RPS6KA2: variants seen among roughly 807,000 people sequenced by gnomAD.
RPS6KA2 encodes ribosomal protein S6 kinase A2.
RPS6KA2 carries 42 observed loss-of-function variants against 91.8 expected under a neutral mutation model. That is an observed-to-expected ratio of 0.46 (90% CI 0.36 to 0.59). The LOEUF (loss-of-function observed/expected upper bound fraction) is 0.59. RPS6KA2 is among the 20% of genes least tolerant of loss of function. The pLI is 0.00. For missense variants in RPS6KA2, 798 were observed against 978.5 expected, an observed-to-expected ratio of 0.82 and a Z score of 2.46; for synonymous variants, 414 against 393.6, an observed-to-expected ratio of 1.05 and a Z score of -0.61.
chr6:166,600,202 G>A (rs1785684589), intron 1 of RPS6KA2, among the ~76,000 whole-genome samples: 1 of 152,138 alleles, frequency 6.6e-6, no homozygotes, highest in African/African-American at 2.4e-5. Context: ...GTACAGACAA[G>A]GTCTCACTAT....
At chr6:166,452,765 A>G (rs1779957978) in intron 12 of RPS6KA2, among the ~76,000 whole-genome samples, 1 of 152,200 alleles carries the variant, frequency 6.6e-6, no homozygotes, top group Non-Finnish European at 1.5e-5. Flanking sequence ...AAAGAATGAA[A>G]CTGGACCCCT....
At position 166,445,201 on chromosome 6, in the gene RPS6KA2, A is replaced by C. The variant is rs1307485710; in HGVS notation, c.1332+3523T>G. ...CCACTCTCCTCTTAGAAGGACCTGCACTTTAAGTCACGGCCCAGTCACAGT... is the reference window on the plus strand; with the variant it reads ...CCACTCTCCTCTTAGAAGGACCTGCCCTTTAAGTCACGGCCCAGTCACAGT... On this transcript the variant is annotated intron_variant, in intron 14 of 20. Coordinates refer to ENST00000265678, the MANE Select transcript of RPS6KA2 (RefSeq NM_021135.6). The surrounding 1 kb of genome is among the most constrained non-coding windows in gnomAD (Gnocchi z 4.5). 6.6e-6 allele frequency among the ~76,000 whole-genome samples: 1 copy of C among 150,904 alleles called. No individual in the cohort carries two copies. Among genetic ancestry groups the C allele is most frequent in the Non-Finnish European group, 1.5e-5 (1 of 67,776 alleles).
chr6:166,607,745 G>A (rs1027608798), intron 1 of RPS6KA2, among the ~76,000 whole-genome samples: 2 of 152,194 alleles, frequency 1.3e-5, no homozygotes, highest in Non-Finnish European at 2.9e-5. Context: ...GAATTGTATG[G>A]TATGTGAATT....
intron 2 of RPS6KA2, among the ~76,000 whole-genome samples, chr6:166,734,091 T>C (rs1319448714): frequency 6.6e-6 from 1 of 152,082 alleles, no homozygotes; most frequent in East Asian, 1.9e-4. Context: ...GGATATGAGA[T>C]CACCTGTTTA....
chr6:166,577,490 G>A (rs939191195), intron 1 of RPS6KA2, among the ~76,000 whole-genome samples: 4 of 152,256 alleles, frequency 2.6e-5, no homozygotes, highest in African/African-American at 7.2e-5. Flanking sequence ...CCGGAAGTGA[G>A]ATGTGGAGTC....
upstream of RPS6KA2, chr6:166,862,709 G>GTT (rs1562476909): frequency 2.0e-5 from 3 of 152,124 alleles, no homozygotes; most frequent in Admixed American, 6.5e-5. Flanking sequence ...GAGGCGGGGG[G>GTT]GGGGGGCGGC....
intron 11 of RPS6KA2, chr6:166,463,233 G>T (rs1398194118): frequency 1.3e-5 from 2 of 152,274 alleles, no homozygotes; most frequent in African/African-American, 4.8e-5. Context: ...TTGAGGCTTT[G>T]GGGGAGAAGT....
intron 2 of RPS6KA2, among the ~76,000 whole-genome samples, chr6:166,813,171 G>T (rs12528139): frequency 1.3e-5 from 2 of 151,978 alleles, no homozygotes; most frequent in African/African-American, 4.8e-5. Context: ...TATCACACAT[G>T]GGGGAGGTAG....
At chr6:166,643,613 T>C (rs1248962975) in intron 2 of RPS6KA2, among the ~76,000 whole-genome samples, 1 of 152,260 alleles carries the variant, frequency 6.6e-6, no homozygotes, top group Non-Finnish European at 1.5e-5. Context: ...CATTATTATT[T>C]AGAAAAATTT....
chr6:166,841,106 C>A (rs1388077385), intron 2 of RPS6KA2, among the ~76,000 whole-genome samples: 3 of 151,172 alleles, frequency 2.0e-5, no homozygotes, highest in African/African-American at 2.4e-5. Context: ...ACAAAGCAAA[C>A]CCTGTCTCTA....
intron 2 of RPS6KA2, among the ~76,000 whole-genome samples, chr6:166,776,908 A>G (rs968833059): frequency 6.6e-6 from 1 of 152,154 alleles, no homozygotes; most frequent in African/African-American, 2.4e-5. Context: ...ACCTGTTTTC[A>G]ACAATCTTGG....
Position 166,603,630 on chromosome 6 carries a change from G to A in RPS6KA2, c.99+23291C>T, listed in dbSNP as rs564220262. ...CATGACAGAAGATGCTTCCACCTGGGCAACACCTGTCATTGGGAGGGCATC... is the reference window on the plus strand; with the variant it reads ...CATGACAGAAGATGCTTCCACCTGGACAACACCTGTCATTGGGAGGGCATC... On this transcript the variant is annotated intron_variant, in intron 1 of 20. Transcript: ENST00000265678. This position sits in a 1 kb window ranked among gnomAD's most constrained non-coding sequence, Gnocchi z 4.3. 2.0e-4 allele frequency among the ~76,000 whole-genome samples: 30 copies of A among 152,182 alleles called. No homozygotes were observed. Among genetic ancestry groups the A allele is most frequent in the Non-Finnish European group, 3.4e-4 (23 of 68,024 alleles).
chr6:166,480,511 A>ATATATATATC (rs1781171058), intron 10 of RPS6KA2, among the ~76,000 whole-genome samples: 1 of 94,658 alleles, frequency 1.1e-5, no homozygotes, highest in Non-Finnish European at 2.2e-5. Context: ...ATATATATAT[A>ATATATATATC]TATAATATAT....
intron 2 of RPS6KA2, among the ~76,000 whole-genome samples, chr6:166,761,163 A>C (rs1778160287): frequency 1.3e-5 from 2 of 152,106 alleles, no homozygotes; most frequent in Admixed American, 1.3e-4. Flanking sequence ...TCCCGGGTTC[A>C]AGCAATTGTT....
chr6:166,681,672 C>T (rs1404075739), intron 2 of RPS6KA2, among the ~76,000 whole-genome samples: 1 of 137,982 alleles, frequency 7.2e-6, no homozygotes, highest in Non-Finnish European at 1.5e-5. Flanking sequence ...AGGCCTCTCC[C>T]TGGATCTCCC....
At chr6:166,862,169 A>C in exon 1 of RPS6KA2, 1 of 1,614,208 alleles carries the variant, frequency 6.2e-7, no homozygotes, top group South Asian at 1.1e-5. Flanking sequence ...TGCGATTGGC[A>C]TTTTTAAACT....
chr6:166,698,321 C>G (rs1232663800), intron 2 of RPS6KA2, among the ~76,000 whole-genome samples: 6 of 152,130 alleles, frequency 3.9e-5, no homozygotes, highest in African/African-American at 1.2e-4. Flanking sequence ...TAGGATGTAT[C>G]TGAGTGATGA....
chr6:166,710,297 A>T (rs1390258334), intron 2 of RPS6KA2, among the ~76,000 whole-genome samples: 1 of 152,208 alleles, frequency 6.6e-6, no homozygotes, highest in African/African-American at 2.4e-5. Flanking sequence ...TTTAGCCTTT[A>T]ATCAGTTATA....
At chr6:166,429,677 T>C (rs1283345960) in intron 16 of RPS6KA2, among the ~76,000 whole-genome samples, 1 of 152,118 alleles carries the variant, frequency 6.6e-6, no homozygotes, top group East Asian at 1.9e-4. Flanking sequence ...TCTCAAATTC[T>C]TGACCTCAGG....
Sources: gnomAD v4.1 joint callset for allele counts (sites outside exome capture counted in the v4.1 genomes callset) on GRCh38, gnomAD v4.1.1 for gene constraint, Gnocchi (gnomAD v3.1) non-coding constraint, MANE v1.5 for transcripts, NCBI Gene and HGNC (gene_info 2026-07-23, HGNC 2026-07-21) for gene names.